REXO1: variants seen among roughly 807,000 people sequenced by gnomAD.
REXO1 encodes REX1, RNA exonuclease 1 homolog.
REXO1 carries 42 observed loss-of-function variants against 102.6 expected under a neutral mutation model. The observed-to-expected ratio is 0.41, with a 90% confidence interval of 0.32 to 0.53. The LOEUF (loss-of-function observed/expected upper bound fraction) is 0.53. REXO1 is among the 20% of genes least tolerant of loss of function. The pLI is 0.27. For missense variants in REXO1, 1,819 were observed against 1,732.5 expected (o/e 1.05, Z -0.89); for synonymous variants, 908 against 779.1 (o/e 1.17, Z -2.76).
intron 1 of REXO1, among the ~76,000 whole-genome samples, chr19:1,843,609 C>A (rs1166771192): frequency 6.6e-6 from 1 of 152,208 alleles, no homozygotes; most frequent in Non-Finnish European, 1.5e-5. Context: ...ACCTGCCACC[C>A]GCTGGTAAAA....
At chr19:1,847,427 C>G (rs1347332353) in intron 1 of REXO1, among the ~76,000 whole-genome samples, 1 of 152,094 alleles carries the variant, frequency 6.6e-6, no homozygotes, top group Non-Finnish European at 1.5e-5. Flanking sequence ...GAGCCACTAT[C>G]AAGGGACAGA....
At chr19:1,837,676 C>T (rs978120698) in intron 1 of REXO1, among the ~76,000 whole-genome samples, 10 of 152,224 alleles carry the variant, frequency 6.6e-5, no homozygotes, top group African/African-American at 2.4e-4. Flanking sequence ...GGGGTCTACC[C>T]CACTGCCCCC....
In REXO1 at chr19:1,827,150, T is replaced by C; in HGVS notation, c.1639A>G (p.Ser547Gly). ...TCTGAGTCGGAGTCTGAGTCCGAGC[T>C]GAGGCTGGGGAGGGCAGAGGGCCAC... ...SVWPSALPSL[S>G]SDSDSDSDSS... is the part of the protein sequence containing the mutation. Residue 547 changes from serine to glycine, a missense_variant, in exon 2 of 16, where the codon AGC (serine) becomes GGC (glycine). Physicochemically the swap from Ser to Gly is moderately conservative, Grantham distance 56. Transcript: ENST00000170168. 1 of 1,542,124 alleles carries C rather than the reference T, an allele frequency of 6.5e-7. No individual in the cohort carries two copies. The highest frequency in any genetic ancestry group is 2.4e-5 in the East Asian group (1 of 40,868).
intron 11 of REXO1, 161 bp downstream of exon 11, chr19:1,817,546 G>A (rs1600512071): frequency 6.9e-7 from 1 of 1,453,928 alleles, no homozygotes; most frequent in Non-Finnish European, 9.2e-7. Flanking sequence ...ACAGGGCCTG[G>A]GGCCTACGGG....
chr19:1,825,787 T>TAA (rs59277540), intron 3 of REXO1, 52 bp downstream of exon 3: 17,110 of 989,556 alleles, frequency 0.017, 10 homozygotes, highest in Non-Finnish European at 0.02. Flanking sequence ...ACCTCGTCTT[T>TAA]AAAAAAAAAA....
chr19:1,828,366 G>A lies in REXO1; in HGVS notation c.423C>T (p.Asp141=), dbSNP rs764124394. 9.9e-6 allele frequency: 16 copies of A among 1,609,170 alleles called. No homozygotes were observed. Among genetic ancestry groups the A allele is most frequent in the African/African-American group, 5.3e-5 (4 of 74,846 alleles). ...CGAAGGCCAGTGGGAAGGCATCCTC[G>A]TCCGGGCCCACAGTGGGGCTGGCGT... ...GPNASPTVGP[D]EDAFPLAFDY... is the part of the protein sequence containing the mutation. Residue 141 remains aspartate (D), a synonymous_variant, in exon 2 of 16, where the codon GAC becomes GAT. Coordinates refer to ENST00000170168, the MANE Select transcript of REXO1 (RefSeq NM_020695.4).
intron 13 of REXO1, 59 bp from the exon 14 acceptor site, chr19:1,816,628 C>CGGGGGGGGGGGGGGGG: frequency 5.3e-6 from 1 of 189,042 alleles, no homozygotes; most frequent in Non-Finnish European, 1.0e-5. Flanking sequence ...GCTGGTGGGG[C>CGGGGGGGGGGGGGGGG]GGGGGAGGGT....
Position 1,828,434 on chromosome 19 carries a change from G to T in REXO1, c.355C>A (p.His119Asn). Residue 119 changes from histidine (H) to asparagine (N), a missense_variant, in exon 2 of 16, where the codon CAC (histidine) becomes AAC (asparagine). His to Asn is a moderately conservative substitution (Grantham distance 68). Coordinates refer to ENST00000170168, the MANE Select transcript of REXO1 (RefSeq NM_020695.4). The stretch of plus-strand genomic sequence containing the variant: ...AGGGCGGGGGCCTCGGCGGAGCGGT[G>T]CTCACGGGTCGTCTCCAGCAGCTCC... ...YRELLETTRE[H>N]RSAEAPALAP... 6.2e-7 allele frequency: 1 copy of T among 1,609,148 alleles called. No homozygotes were observed.
Position 1,826,521 on chromosome 19 carries a change from G to C in REXO1, c.1911+357C>G, listed in dbSNP as rs1210285689. Among the ~76,000 whole-genome samples the C allele has an allele frequency of 6.7e-6, 1 of 148,412 alleles. No individual in the cohort carries two copies. The highest frequency in any genetic ancestry group is 2.2e-4 in the South Asian group (1 of 4,574). ...AAGAGAGGGGGAAGGGAGGAAAGGG[G>C]AGGCGAGGGGAGAGGGGCTAGAAGG... On this transcript the variant is annotated intron_variant, in intron 2 of 15. Coordinates refer to ENST00000170168, the MANE Select transcript of REXO1 (RefSeq NM_020695.4). The surrounding 1 kb of genome is among the most constrained non-coding windows in gnomAD (Gnocchi z 4.3).
At chr19:1,843,507 CCA>C in intron 1 of REXO1, among the ~76,000 whole-genome samples, 1 of 152,330 alleles carries the variant, frequency 6.6e-6, no homozygotes, top group East Asian at 1.9e-4. Context: ...AATCTGGCCC[CCA>C]GTGTCCCTAG....
At chr19:1,838,853 C>G (rs754058370) in intron 1 of REXO1, among the ~76,000 whole-genome samples, 3 of 151,756 alleles carry the variant, frequency 2.0e-5, no homozygotes, top group Non-Finnish European at 2.9e-5. Flanking sequence ...CACGGTAGCT[C>G]ACGCCTGTAA....
chr19:1,815,966 G>C lies in REXO1; in HGVS notation c.*100C>G. 6.5e-7 allele frequency: 1 copy of C among 1,535,634 alleles called. No individual in the cohort carries two copies. On this transcript the variant is annotated 3_prime_UTR_variant, in exon 16 of 16. Transcript: ENST00000170168. This position sits in a 1 kb window ranked among gnomAD's most constrained non-coding sequence, Gnocchi z 4.0. ...CCGCTGCTCTGGGCTGCCTCGGCCA[G>C]GTGGACGGGTTACCGGAGATTTATT...
intron 5 of REXO1, 101 bp downstream of exon 5, chr19:1,821,418 C>T (rs937312554): frequency 1.0e-5 from 15 of 1,432,154 alleles, no homozygotes; most frequent in African/African-American, 1.4e-5. Context: ...CACGAAGGCC[C>T]GCAGGGCAGG....
At chr19:1,819,628 C>T (rs1002379552) in intron 7 of REXO1, among the ~76,000 whole-genome samples, 8 of 152,206 alleles carry the variant, frequency 5.3e-5, no homozygotes, top group African/African-American at 1.9e-4. Flanking sequence ...GCATGGAGCT[C>T]GCCCAGCCCT....
At chr19:1,832,373 G>A (rs2069930434) in intron 1 of REXO1, among the ~76,000 whole-genome samples, 1 of 152,208 alleles carries the variant, frequency 6.6e-6, no homozygotes, top group Non-Finnish European at 1.5e-5. Flanking sequence ...GCCTCACCGG[G>A]TGATGAAAGT....
chr19:1,819,871 C>A, intron 7 of REXO1, 63 bp downstream of exon 7: 6 of 1,478,534 alleles, frequency 4.1e-6, no homozygotes, highest in South Asian at 1.4e-5. Flanking sequence ...CAGCGAGGGT[C>A]CCAGCCCAGC....
At chr19:1,819,894 A>G in intron 7 of REXO1, 40 bp downstream of exon 7, 1 of 1,521,836 alleles carries the variant, frequency 6.6e-7, no homozygotes, top group Non-Finnish European at 8.8e-7. Context: ...CCACCCCAAG[A>G]GCAACCCTGA....
Position 1,827,199 on chromosome 19 carries a change from G to A in REXO1, c.1590C>T (p.Ala530=), listed in dbSNP as rs766329471. 1.5e-5 allele frequency: 23 copies of A among 1,540,406 alleles called. No homozygotes were observed. The African/African-American group carries it at 1.8e-4, about 12-fold the overall frequency. ...DLFGDESEDE[A]AGPGVPSVWP... ...ACACGCTCGGCACCCCTGGCCCTGC[G>A]GCCTCGTCCTCACTCTCGTCCCCAA... The change falls in exon 2 of 16, where the codon GCC becomes GCT. Residue 530 remains alanine, a synonymous_variant. Transcript: ENST00000170168.
intron 1 of REXO1, among the ~76,000 whole-genome samples, chr19:1,837,832 A>T (rs1276306785): frequency 2.0e-5 from 3 of 152,172 alleles, no homozygotes; most frequent in Non-Finnish European, 2.9e-5. Flanking sequence ...AGAAAAAGAA[A>T]AAGGTCCCGG....
Sources: allele counts gnomAD v4.1 joint callset (sites outside exome capture counted in the v4.1 genomes callset), GRCh38; gene constraint gnomAD v4.1.1; non-coding constraint Gnocchi (gnomAD v3.1); transcripts MANE v1.5; gene names NCBI Gene and HGNC (gene_info 2026-07-23, HGNC 2026-07-21).